Variants in MALT1 observed in about 807,000 individuals in gnomAD.
MALT1 encodes the protein mucosa-associated lymphoid tissue lymphoma translocation protein 1.
In MALT1, 36 loss-of-function variants were observed where a neutral mutation model predicts 85.5. The observed-to-expected ratio is 0.42, with a 90% CI of 0.32 to 0.56. The LOEUF is 0.56. Among genes scored for constraint, MALT1 ranks in the 20% least tolerant of loss-of-function variants. The pLI, the probability that MALT1 is intolerant of heterozygous loss-of-function variation, is 0.10. For missense variants in MALT1, 716 were observed against 981.6 expected (o/e 0.73, Z 3.62); for synonymous variants, 359 against 361.3 (o/e 0.99, Z 0.07).
At chr18:58,682,968 A>G (rs1456732135) in intron 2 of MALT1, among the ~76,000 whole-genome samples, 1 of 152,168 alleles carries the variant, frequency 6.6e-6, no homozygotes, top group Admixed American at 6.5e-5. Flanking sequence ...GGGAATAACT[A>G]GCTGCTAATG....
At chr18:58,735,002 T>C (rs1431266221) in intron 12 of MALT1, among the ~76,000 whole-genome samples, 200 bp from the exon 13 acceptor site, 1 of 152,196 alleles carries the variant, frequency 6.6e-6, no homozygotes, top group Admixed American at 6.5e-5. Context: ...TCACCTCAAA[T>C]ACTTATCTTT....
chr18:58,676,710 CTG>C (rs1383627012), intron 1 of MALT1, among the ~76,000 whole-genome samples: 9 of 152,212 alleles, frequency 5.9e-5, no homozygotes, highest in African/African-American at 2.2e-4. Flanking sequence ...AAAGATATCT[CTG>C]TGTTTATTTA....
At position 58,708,806 on chromosome 18, in the gene MALT1, C is replaced by T. The variant is rs184355456; in HGVS notation, c.650-572C>T. Among the ~76,000 whole-genome samples, 175 of 152,306 alleles carry T rather than the reference C, an allele frequency of 1.1e-3. 2 individuals are homozygous for T. The highest frequency in any genetic ancestry group is 3.8e-3 in the African/African-American group (158 of 41,556). On this transcript the variant is annotated intron_variant, in intron 4 of 16. Coordinates refer to ENST00000649217, the MANE Select transcript of MALT1 (RefSeq NM_006785.4). The stretch of plus-strand genomic sequence containing the variant: ...TAGACACTGAGTTTCATAATGGAGA[C>T]TTGTTGCATAAAATTGACAAGCTCT...
At chr18:58,733,644 G>T in intron 11 of MALT1, 70 bp downstream of exon 11, 1 of 1,221,810 alleles carries the variant, frequency 8.2e-7, no homozygotes, top group Non-Finnish European at 1.1e-6. Flanking sequence ...AGAGAAACCT[G>T]TGAAATGCTA....
At chr18:58,737,830 G>C (rs1456549422) in intron 13 of MALT1, among the ~76,000 whole-genome samples, 1 of 152,124 alleles carries the variant, frequency 6.6e-6, no homozygotes, top group Non-Finnish European at 1.5e-5. Context: ...TGATCCACCG[G>C]CCTCAGCCTC....
chr18:58,689,699 A>C (rs2054466934), intron 2 of MALT1, among the ~76,000 whole-genome samples: 1 of 152,182 alleles, frequency 6.6e-6, no homozygotes, highest in Non-Finnish European at 1.5e-5. Flanking sequence ...GAGGGTACCT[A>C]ATTTAGAGAC....
Position 58,679,692 on chromosome 18 carries a change from C to T in MALT1, c.210-1478C>T, listed in dbSNP as rs151173859. On this transcript the variant is annotated intron_variant, in intron 1 of 16. Coordinates refer to ENST00000649217, the MANE Select transcript of MALT1 (RefSeq NM_006785.4). ...CCTCCTGAGTAGCTGGGACTACAGG[C>T]GTGCACCACCACACACCGGCTAACT... Among the ~76,000 whole-genome samples the T allele has an allele frequency of 9.6e-3, 1,462 of 152,222 alleles. 11 individuals carry two copies. The highest frequency in any genetic ancestry group is 0.02 in the Middle Eastern group (6 of 294).
chr18:58,705,833 T>C (rs1047834913), intron 4 of MALT1, among the ~76,000 whole-genome samples: 1 of 152,132 alleles, frequency 6.6e-6, no homozygotes, highest in Non-Finnish European at 1.5e-5. Flanking sequence ...CCTTTGGGTA[T>C]ATACCCAGTA....
At chr18:58,679,336 G>A (rs2054286434) in intron 1 of MALT1, among the ~76,000 whole-genome samples, 1 of 152,258 alleles carries the variant, frequency 6.6e-6, no homozygotes. Flanking sequence ...TTTCCATAGA[G>A]GGCCCAATGG....
At chr18:58,686,273 C>T (rs1391826187) in intron 2 of MALT1, among the ~76,000 whole-genome samples, 3 of 152,170 alleles carry the variant, frequency 2.0e-5, no homozygotes, top group South Asian at 4.1e-4. Context: ...GTAATCCGTC[C>T]GCCTCGGCCT....
intron 1 of MALT1, among the ~76,000 whole-genome samples, chr18:58,677,991 T>C (rs1363335950): frequency 6.6e-6 from 1 of 152,216 alleles, no homozygotes; most frequent in Non-Finnish European, 1.5e-5. Context: ...TTAATATTCT[T>C]TTAATATCCC....
chr18:58,745,606 G>A, intron 15 of MALT1, 60 bp from the exon 16 acceptor site: 3 of 1,470,584 alleles, frequency 2.0e-6, no homozygotes, highest in Non-Finnish European at 2.8e-6. Flanking sequence ...TTATGTACTA[G>A]ATTATATTGT....
At chr18:58,707,407 A>G (rs2054767853) in intron 4 of MALT1, among the ~76,000 whole-genome samples, 1 of 149,648 alleles carries the variant, frequency 6.7e-6, no homozygotes, top group South Asian at 2.1e-4. Flanking sequence ...TAGAAATGTG[A>G]GGCTATTTCA....
intron 5 of MALT1, 25 bp downstream of exon 5, chr18:58,709,581 T>G: frequency 6.4e-7 from 1 of 1,563,616 alleles, no homozygotes; most frequent in South Asian, 1.2e-5. Context: ...TTGGGGTCTT[T>G]TGGGGGAGTT....
Position 58,709,533 on chromosome 18 carries a change from CAT to C in MALT1, c.806_807del (p.His269ArgfsTer25), listed in dbSNP as rs1033929290. 6.2e-7 allele frequency: 1 copy of C among 1,607,450 alleles called. No homozygotes were observed. The highest frequency in any genetic ancestry group is 1.3e-5 in the African/African-American group (1 of 74,628). ...QWFKNELPLTHETKKLYMVPY... is the reference protein window; with the variant it reads ...QWFKNELPLTXETKKLYMVPY... The stretch of plus-strand genomic sequence containing the variant: ...GTTCAAAAATGAATTACCATTAACA[CAT>C]GAGACCAAAAAGCTATACATGGTAG... On this transcript the variant is annotated frameshift_variant, in exon 5 of 17. Transcript: ENST00000649217. LOFTEE classifies it high-confidence loss of function.
intron 9 of MALT1, among the ~76,000 whole-genome samples, chr18:58,716,336 CT>C (rs2054899929): frequency 6.6e-6 from 1 of 152,058 alleles, no homozygotes; most frequent in Non-Finnish European, 1.5e-5. Context: ...GTTTGCTCCC[CT>C]GTCTTCTCCA....
intron 4 of MALT1, among the ~76,000 whole-genome samples, 168 bp downstream of exon 4, chr18:58,700,759 TTTGTC>T (rs1281260833): frequency 6.6e-6 from 1 of 152,048 alleles, no homozygotes; most frequent in African/African-American, 2.4e-5. Flanking sequence ...ATCCATGTGT[TTTGTC>T]TTTCTTTTTT....
rs532639858 is a variant in MALT1 at position 58,747,877 on chromosome 18, T to A, written c.*35T>A. ...TTTTGAAAGTTAGCATAATTTTAGA[T>A]GCCTGTGAAATAGTACTGCACTTAC... On this transcript the variant is annotated 3_prime_UTR_variant, in exon 17 of 17. Coordinates refer to ENST00000649217, the MANE Select transcript of MALT1 (RefSeq NM_006785.4). 1 of 1,551,774 alleles carries A rather than the reference T, an allele frequency of 6.4e-7. No homozygotes were observed. The highest frequency in any genetic ancestry group is 1.4e-5 in the African/African-American group (1 of 73,762).
intron 9 of MALT1, among the ~76,000 whole-genome samples, chr18:58,716,325 C>G (rs866342828): frequency 6.6e-6 from 1 of 152,124 alleles, no homozygotes; most frequent in African/African-American, 2.4e-5. Context: ...GTAGCTTTAG[C>G]GTTTGCTCCC....
Sources: allele counts gnomAD v4.1 joint callset (sites outside exome capture counted in the v4.1 genomes callset), GRCh38; gene constraint gnomAD v4.1.1; transcripts MANE v1.5; gene names NCBI Gene and HGNC (gene_info 2026-07-23, HGNC 2026-07-21).